The following IKZF3 variants were observed in gnomAD, a reference collection of about 807,000 sequenced individuals.
IKZF3 encodes the protein zinc finger protein Aiolos.
IKZF3 carries 10 observed loss-of-function variants against 49.0 expected under a neutral mutation model. The ratio of observed to expected loss-of-function variants is 0.20; its 90% CI spans 0.13 to 0.35. The LOEUF is 0.35. Ranked by LOEUF, IKZF3 falls within the 10% of genes least tolerant of loss-of-function variation. The pLI is 1.00. For missense variants in IKZF3, 498 were observed against 664.8 expected (o/e 0.75, Z 2.76); for synonymous variants, 209 against 228.2 (o/e 0.92, Z 0.76).
Position 39,832,144 on chromosome 17 carries a change from T to C in IKZF3, c.15A>G (p.Gln5=), listed in dbSNP as rs753793543. 80 of 1,611,754 alleles carry C rather than the reference T, an allele frequency of 5.0e-5. No individual in the cohort carries two copies. Among genetic ancestry groups the C allele is most frequent in the Non-Finnish European group, 6.6e-5 (78 of 1,178,202 alleles). The part of the protein sequence containing the change: MEDI[Q]TNAELKSTQE... ...GAGTGCTTTTCAGTTCCGCATTTGT[T>C]TGTATATCTGAAAAGAAAGAGGTTA... The change falls in exon 2 of 8, where the codon CAA becomes CAG. Residue 5 remains glutamine (Q), a synonymous_variant. Transcript: ENST00000346872.
chr17:39,780,295 G>A (rs930711135), intron 6 of IKZF3, among the ~76,000 whole-genome samples: 4 of 149,264 alleles, frequency 2.7e-5, no homozygotes, highest in South Asian at 2.1e-4. Flanking sequence ...TTTTATTAGT[G>A]GCCTTAAAAA....
chr17:39,846,521 T>C (rs2062638425), intron 1 of IKZF3, among the ~76,000 whole-genome samples: 1 of 147,086 alleles, frequency 6.8e-6, no homozygotes, highest in Non-Finnish European at 1.5e-5. Flanking sequence ...GTTTCTAACA[T>C]TTCATGTGCT....
chr17:39,813,642 A>G (rs1194292852), intron 3 of IKZF3, among the ~76,000 whole-genome samples: 1 of 152,120 alleles, frequency 6.6e-6, no homozygotes, highest in African/African-American at 2.4e-5. Flanking sequence ...ATTAAAAAAA[A>G]AAAAAGATTC....
chr17:39,785,166 C>A (rs1319711853), intron 6 of IKZF3, among the ~76,000 whole-genome samples: 1 of 152,060 alleles, frequency 6.6e-6, no homozygotes, highest in Non-Finnish European at 1.5e-5. Flanking sequence ...TGGAAGGGTG[C>A]AAAATAGTTA....
chr17:39,792,795 A>G lies in IKZF3; in HGVS notation c.302T>C (p.Leu101Ser). The G allele has an allele frequency of 6.2e-7, 1 of 1,614,212 alleles. No homozygotes were observed. The highest frequency in any genetic ancestry group is 8.5e-7 in the Non-Finnish European group (1 of 1,180,032). ...ATCGAATGAGACAACATGTCTCTCC[A>G]ACTTAATGTTTTCATATTCATTATA... is the stretch of plus-strand genomic sequence containing the variant. ...REYNEYENIK[L>S]ERHVVSFDSS... Residue 101 changes from leucine (L) to serine (S), a missense_variant, in exon 4 of 8, where the codon TTG becomes TCG. Leu to Ser is a moderately radical substitution (Grantham distance 145). Transcript: ENST00000346872.
intron 4 of IKZF3, 76 bp downstream of exon 4, chr17:39,792,589 AAAAGTTCC>A: frequency 7.0e-7 from 1 of 1,435,366 alleles, no homozygotes; most frequent in South Asian, 1.4e-5. Context: ...GAAAGTAACC[AAAAGTTCC>A]AAATTCCACC....
chr17:39,797,040 C>T (rs2061183600), intron 3 of IKZF3, among the ~76,000 whole-genome samples: 1 of 151,570 alleles, frequency 6.6e-6, no homozygotes, highest in Non-Finnish European at 1.5e-5. Flanking sequence ...TGGTGTGCGC[C>T]TATAGTCCCA....
At chr17:39,782,264 G>A (rs952407025) in intron 6 of IKZF3, among the ~76,000 whole-genome samples, 1 of 152,142 alleles carries the variant, frequency 6.6e-6, no homozygotes, top group Non-Finnish European at 1.5e-5. Flanking sequence ...AACACAAAGA[G>A]CCAGGTTCCA....
chr17:39,813,352 A>C (rs545771344), intron 3 of IKZF3, among the ~76,000 whole-genome samples: 9 of 151,892 alleles, frequency 5.9e-5, no homozygotes, highest in Non-Finnish European at 1.2e-4. Flanking sequence ...TTTCTGTTAA[A>C]AAGTTTCAAG....
rs1012132825 is a variant in IKZF3, at chr17:39,759,184, G to C, written c.*6606C>G. ...TAACCCCAACACTTTGGGAGGCTGAGGTGGGCAGATTACTTGAGCCCAGGA... is the reference window on the plus strand; with the variant it reads ...TAACCCCAACACTTTGGGAGGCTGACGTGGGCAGATTACTTGAGCCCAGGA... On this transcript the variant is annotated 3_prime_UTR_variant, in exon 8 of 8. Coordinates refer to ENST00000346872, the MANE Select transcript of IKZF3 (RefSeq NM_012481.5). 6 of 152,164 alleles carry C rather than the reference G, an allele frequency of 3.9e-5. No homozygotes were observed. The highest frequency in any genetic ancestry group is 1.4e-4 in the African/African-American group (6 of 41,408). The allele number at this position is 152,164 out of a possible 1,614,324, so 9.4% of individuals were successfully genotyped here. A position where few individuals can be genotyped will look rare whatever the true frequency, so the allele number is the denominator to read the frequency against.
At chr17:39,795,242 G>C (rs1187354422) in intron 3 of IKZF3, among the ~76,000 whole-genome samples, 1 of 152,168 alleles carries the variant, frequency 6.6e-6, no homozygotes, top group Non-Finnish European at 1.5e-5. Context: ...GAGCAAGGAA[G>C]ACAGTATTTG....
rs566198394 is a variant in IKZF3 at position 39,759,200 on chromosome 17, G to A, written c.*6590C>T. 6.6e-6 allele frequency: 1 copy of A among 152,116 alleles called. No homozygotes were observed. Among genetic ancestry groups the A allele is most frequent in the African/African-American group, 2.4e-5 (1 of 41,392 alleles). 9.4% of individuals were successfully genotyped at this position (152,116 alleles called of 1,614,324 possible). On this transcript the variant is annotated 3_prime_UTR_variant, in exon 8 of 8. Coordinates refer to ENST00000346872, the MANE Select transcript of IKZF3 (RefSeq NM_012481.5). ...GGAGGCTGAGGTGGGCAGATTACTT[G>A]AGCCCAGGAGTTCAGGACCAGCCTG...
At chr17:39,803,042 C>T (rs1050007294) in intron 3 of IKZF3, among the ~76,000 whole-genome samples, 1 of 151,872 alleles carries the variant, frequency 6.6e-6, no homozygotes, top group Non-Finnish European at 1.5e-5. Context: ...TCTTTGCTTC[C>T]CCATTAGAAG....
rs749725522 is a variant in IKZF3 at position 39,766,118 on chromosome 17, T to C, written c.1202A>G (p.Tyr401Cys). The change falls in exon 8 of 8, where the codon TAT becomes TGT. Residue 401 changes from tyrosine to cysteine, a missense_variant. By Grantham distance (194) the Tyr-to-Cys change is radical. Transcript: ENST00000346872. Reference sequence around the variant, plus strand: ...AGACAGGACCATGTGATTTTGCTGATAGATGTGATTCTGGCGTTCTTCATG... The same window carrying C: ...AGACAGGACCATGTGATTTTGCTGACAGATGTGATTCTGGCGTTCTTCATG... ...SNHEERQNHI[Y>C]QQNHMVLSRA... 1.7e-5 allele frequency: 28 copies of C among 1,614,152 alleles called. No homozygotes were observed. In the South Asian group the frequency reaches 2.9e-4, roughly 16 times the overall value.
intron 1 of IKZF3, among the ~76,000 whole-genome samples, chr17:39,838,417 T>G (rs543989896): frequency 6.6e-6 from 1 of 152,304 alleles, no homozygotes; most frequent in South Asian, 2.1e-4. Flanking sequence ...ATCTAATGAG[T>G]TTTCTTTTTC....
chr17:39,851,066 T>TAG (rs1187589257), intron 1 of IKZF3, among the ~76,000 whole-genome samples: 1 of 147,682 alleles, frequency 6.8e-6, no homozygotes. Flanking sequence ...TGTATATATA[T>TAG]ATATAGAGAG....
In IKZF3 at chr17:39,764,879, T is replaced by C. The variant is rs2060253896; in HGVS notation, c.*911A>G. On this transcript the variant is annotated 3_prime_UTR_variant, in exon 8 of 8. Transcript: ENST00000346872. ...GGAAAATATCATTGGCAAATTTGCT[T>C]TGGGTCTGTATCACCAATTCTCCAT... 6.6e-6 allele frequency: 1 copy of C among 152,352 alleles called. No homozygotes were observed. Among genetic ancestry groups the C allele is most frequent in the South Asian group, 2.1e-4 (1 of 4,834 alleles). The allele number at this position is 152,352 out of a possible 1,614,324, so 9.4% of individuals were successfully genotyped here.
intron 7 of IKZF3, among the ~76,000 whole-genome samples, chr17:39,769,175 A>G (rs191521132): frequency 1.7e-4 from 26 of 152,336 alleles, no homozygotes; most frequent in Admixed American, 1.5e-3. Context: ...GTAGGACCGA[A>G]TGGTGGGCAT....
In IKZF3 at chr17:39,864,273, G is replaced by A; in HGVS notation, c.-147C>T. ...TCCGGCAGCCGCGTCGGCGCAGACTGAAAAGGGCAGGAGCCGGCGACCTGC... is the reference window on the plus strand; with the variant it reads ...TCCGGCAGCCGCGTCGGCGCAGACTAAAAAGGGCAGGAGCCGGCGACCTGC... On this transcript the variant is annotated 5_prime_UTR_variant, in exon 1 of 8. Transcript: ENST00000346872. 1 of 891,706 alleles carries A rather than the reference G, an allele frequency of 1.1e-6. No individual in the cohort carries two copies. The highest frequency in any genetic ancestry group is 1.7e-6 in the Non-Finnish European group (1 of 592,558). 55.2% of individuals were successfully genotyped at this position (891,706 alleles called of 1,614,324 possible).
Sources: gnomAD v4.1 joint callset for allele counts (sites outside exome capture counted in the v4.1 genomes callset) on GRCh38, gnomAD v4.1.1 for gene constraint, MANE v1.5 for transcripts, NCBI Gene and HGNC (gene_info 2026-07-23, HGNC 2026-07-21) for gene names.